Variants in ABLIM1 observed in about 807,000 individuals in gnomAD.
ABLIM1 encodes actin binding LIM protein 1.
Under a neutral mutation model 107.0 loss-of-function variants are expected in ABLIM1, and 40 were observed. That is an observed-to-expected ratio of 0.37 (90% CI 0.29 to 0.49). ABLIM1 has a LOEUF of 0.49. Ranked by LOEUF, ABLIM1 falls within the 20% of genes least tolerant of loss-of-function variation. ABLIM1 has a pLI of 0.97. For missense variants in ABLIM1, 857 were observed against 1,008.5 expected (o/e 0.85, Z 2.04); for synonymous variants, 357 against 357.3 (o/e 1.00, Z 0.01).
rs1269899023 is a variant in ABLIM1, at chr10:114,472,867, G to A, written c.1275+110C>T. 5 of 1,135,422 alleles carry A rather than the reference G, an allele frequency of 4.4e-6. No homozygotes were observed. The Admixed American group carries it at 1.1e-4, about 24-fold the overall frequency. 70.3% of individuals were successfully genotyped at this position (1,135,422 alleles called of 1,614,324 possible). On this transcript the variant is annotated intron_variant, in intron 10 of 22. Transcript: ENST00000533213. Reference sequence around the variant, plus strand: ...TGGTCTAGAAATCTGCAAATACTAGGCAGACAAAAGACCACCTGATTTACC... The same window carrying A: ...TGGTCTAGAAATCTGCAAATACTAGACAGACAAAAGACCACCTGATTTACC...
chr10:114,664,490 T>C (rs899432223), intron 1 of ABLIM1, among the ~76,000 whole-genome samples: 1 of 152,208 alleles, frequency 6.6e-6, no homozygotes, highest in Non-Finnish European at 1.5e-5. Flanking sequence ...ATGATCTCTT[T>C]TAATTTTCTG....
At chr10:114,449,972 A>G (rs943386117) in intron 14 of ABLIM1, 45 of 184,022 alleles carry the variant, frequency 2.4e-4, no homozygotes, top group Non-Finnish European at 3.9e-4. Context: ...CCTTCCAAAC[A>G]AATAATCTAA....
chr10:114,435,977 C>T lies in ABLIM1; in HGVS notation c.*283G>A. On this transcript the variant is annotated 3_prime_UTR_variant, in exon 23 of 23. Transcript: ENST00000533213. ...ATAAAGGAAAAGAAAAAGAAGAAAA[C>T]AACGCAGCTCCTGTTGTATACATAA... 1 of 297,194 alleles carries T rather than the reference C, an allele frequency of 3.4e-6. No individual in the cohort carries two copies. The highest frequency in any genetic ancestry group is 2.1e-5 in the African/African-American group (1 of 46,672). 18.4% of individuals were successfully genotyped at this position (297,194 alleles called of 1,614,324 possible).
chr10:114,485,383 GC>G, intron 8 of ABLIM1: 1 of 1,610,346 alleles, frequency 6.2e-7, no homozygotes, highest in Non-Finnish European at 8.5e-7. Context: ...TTTGGCAGCT[GC>G]CATGAAACAT....
intron 1 of ABLIM1, among the ~76,000 whole-genome samples, chr10:114,616,758 G>A (rs1055958897): frequency 2.0e-5 from 3 of 152,164 alleles, no homozygotes; most frequent in Middle Eastern, 3.2e-3. Context: ...TTACTCAGTC[G>A]AAAGGAATGA....
intron 1 of ABLIM1, among the ~76,000 whole-genome samples, chr10:114,752,854 G>T (rs1364082535): frequency 6.6e-6 from 1 of 152,144 alleles, no homozygotes; most frequent in Non-Finnish European, 1.5e-5. Context: ...TGGGCATTTG[G>T]GTTGATTCCA....
intron 14 of ABLIM1, among the ~76,000 whole-genome samples, chr10:114,448,411 G>T (rs1027390367): frequency 2.0e-5 from 3 of 152,156 alleles, no homozygotes; most frequent in Admixed American, 6.5e-5. Context: ...GGCCAGTGCA[G>T]ATATAGAACA....
intron 1 of ABLIM1, among the ~76,000 whole-genome samples, chr10:114,699,186 G>C (rs78606160): frequency 0.016 from 2,402 of 148,672 alleles, 63 homozygotes; most frequent in African/African-American, 0.055. Flanking sequence ...TAAATATGAA[G>C]CAAACTAAAG....
chr10:114,697,461 A>T (rs2081220025), intron 1 of ABLIM1, among the ~76,000 whole-genome samples: 1 of 152,250 alleles, frequency 6.6e-6, no homozygotes, highest in African/African-American at 2.4e-5. Context: ...GACCAGAGCC[A>T]GCCTCCGGGC....
At chr10:114,674,305 A>ATT (rs1335458075) in intron 1 of ABLIM1, among the ~76,000 whole-genome samples, 3 of 151,936 alleles carry the variant, frequency 2.0e-5, no homozygotes, top group African/African-American at 7.3e-5. Flanking sequence ...AAAAAAAAAA[A>ATT]AATTAATTAA....
At chr10:114,663,400 G>A (rs140672529) in intron 1 of ABLIM1, among the ~76,000 whole-genome samples, 1 of 152,276 alleles carries the variant, frequency 6.6e-6, no homozygotes, top group East Asian at 1.9e-4. Context: ...TTGTCACCCT[G>A]TTTCCTTTAC....
intron 1 of ABLIM1, among the ~76,000 whole-genome samples, chr10:114,729,680 A>C (rs2082033044): frequency 6.6e-6 from 1 of 152,076 alleles, no homozygotes; most frequent in South Asian, 2.1e-4. Flanking sequence ...ATATTTTGAG[A>C]AATAGGGAAA....
At chr10:114,541,325 T>C (rs1260733285) in intron 6 of ABLIM1, among the ~76,000 whole-genome samples, 1 of 152,110 alleles carries the variant, frequency 6.6e-6, no homozygotes, top group East Asian at 1.9e-4. Flanking sequence ...CTGCTACAGC[T>C]GACACAGAAA....
At chr10:114,567,036 G>C (rs575500615) in intron 4 of ABLIM1, among the ~76,000 whole-genome samples, 1 of 152,138 alleles carries the variant, frequency 6.6e-6, no homozygotes, top group Non-Finnish European at 1.5e-5. Context: ...GCGACAGAGC[G>C]AGACTCTGTC....
chr10:114,647,393 G>T (rs2079058019), intron 1 of ABLIM1, among the ~76,000 whole-genome samples: 1 of 152,142 alleles, frequency 6.6e-6, no homozygotes, highest in South Asian at 2.1e-4. Flanking sequence ...CCCAAGGAAA[G>T]GATAACAGAA....
intron 6 of ABLIM1, among the ~76,000 whole-genome samples, chr10:114,524,599 A>C (rs529539588): frequency 6.2e-4 from 94 of 152,302 alleles, no homozygotes; most frequent in Middle Eastern, 3.4e-3. Context: ...ACAACAACAA[A>C]AAACTCTATA....
intron 2 of ABLIM1, among the ~76,000 whole-genome samples, chr10:114,581,799 C>T (rs116419244): frequency 0.011 from 1,664 of 152,188 alleles, 26 homozygotes; most frequent in African/African-American, 0.038. Context: ...ACACCCTCCT[C>T]ATTTCCAGTG....
chr10:114,572,830 G>A (rs765023136), intron 3 of ABLIM1, among the ~76,000 whole-genome samples: 6 of 152,136 alleles, frequency 3.9e-5, no homozygotes, highest in African/African-American at 7.2e-5. Context: ...TTTTGCCTCC[G>A]ACCAGGCCAG....
chr10:114,546,064 C>A (rs1457849722), intron 5 of ABLIM1, among the ~76,000 whole-genome samples: 9 of 152,196 alleles, frequency 5.9e-5, no homozygotes, highest in African/African-American at 2.2e-4. Context: ...CTCCTCAGCT[C>A]TCAGGAGGCC....
Sources: gnomAD v4.1 joint callset for allele counts (sites outside exome capture counted in the v4.1 genomes callset) on GRCh38, gnomAD v4.1.1 for gene constraint, MANE v1.5 for transcripts, NCBI Gene and HGNC (gene_info 2026-07-23, HGNC 2026-07-21) for gene names.